CORIN: variants seen among roughly 807,000 people sequenced by gnomAD.
The protein encoded by CORIN is corin, serine peptidase, also known as atrial natriuretic peptide-converting enzyme.
Under a neutral mutation model 125.3 loss-of-function variants are expected in CORIN, and 117 were observed. That is an observed-to-expected ratio of 0.93 (90% confidence interval 0.80 to 1.09). The LOEUF (loss-of-function observed/expected upper bound fraction) is 1.09. CORIN is among the 50% of genes least tolerant of loss of function. CORIN has a pLI of 0.00. For missense variants in CORIN, 1,253 were observed against 1,306.7 expected (o/e 0.96, Z 0.63); for synonymous variants, 450 against 466.4 (o/e 0.96, Z 0.45).
At chr4:47,598,762 A>G (rs1254563157) in intron 21 of CORIN, among the ~76,000 whole-genome samples, 2 of 152,182 alleles carry the variant, frequency 1.3e-5, no homozygotes, top group Non-Finnish European at 2.9e-5. Flanking sequence ...AAATAAAGAC[A>G]CTGCCATATG....
At chr4:47,835,366 C>T (rs1733338834) in intron 1 of CORIN, among the ~76,000 whole-genome samples, 1 of 152,178 alleles carries the variant, frequency 6.6e-6, no homozygotes, top group South Asian at 2.1e-4. Context: ...ACCTTTCCCC[C>T]TCAGATACGC....
intron 2 of CORIN, 132 bp downstream of exon 2, chr4:47,806,771 T>A (rs1731813151): frequency 1.1e-6 from 1 of 891,812 alleles, no homozygotes; most frequent in East Asian, 2.7e-5. Flanking sequence ...CAGATTTGCA[T>A]AACGTCATCA....
chr4:47,748,872 T>C (rs973913025), intron 4 of CORIN, among the ~76,000 whole-genome samples: 3 of 152,192 alleles, frequency 2.0e-5, no homozygotes, highest in Non-Finnish European at 4.4e-5. Flanking sequence ...GTACAGAAAA[T>C]TTCCATATAT....
intron 13 of CORIN, among the ~76,000 whole-genome samples, chr4:47,646,251 T>A (rs1723479470): frequency 6.6e-6 from 1 of 152,188 alleles, no homozygotes; most frequent in South Asian, 2.1e-4. Flanking sequence ...AAAATGTAAT[T>A]TCATTCTACA....
In CORIN at chr4:47,653,619, C is replaced by T. The variant is rs139281421; in HGVS notation, c.1777G>A (p.Val593Ile). Residue 593 changes from valine to isoleucine, a missense_variant, in exon 13 of 22, where the codon GTT becomes ATT. By Grantham distance (29) the Val-to-Ile change is conservative (BLOSUM62 3). Coordinates refer to ENST00000273857, the MANE Select transcript of CORIN (RefSeq NM_006587.4). ...SHFKCRSGQC[V>I]LASRRCDGQA... ...CCATCACATCTTCTGGAAGCCAGAA[C>T]ACACTGTCCTGAGCGGCACTTGAAA... 85 of 1,614,012 alleles carry T rather than the reference C, an allele frequency of 5.3e-5. 1 individual carries two copies. The African/African-American group carries it at 1.0e-3, about 20-fold the overall frequency.
chr4:47,745,393 G>A lies in CORIN; in HGVS notation c.618-810C>T, dbSNP rs544556941. Among the ~76,000 whole-genome samples the A allele has an allele frequency of 1.6e-4, 24 of 152,298 alleles. 1 individual carries two copies. The highest frequency in any genetic ancestry group is 4.6e-4 in the African/African-American group (19 of 41,572). ...TCAATTGCTAAAAGCATTTCAAATA[G>A]TTTTAAGGAAACTGGGAAAGAAAAT... On this transcript the variant is annotated intron_variant, in intron 4 of 21. Coordinates refer to ENST00000273857, the MANE Select transcript of CORIN (RefSeq NM_006587.4).
At chr4:47,811,936 T>C (rs1233754798) in intron 1 of CORIN, among the ~76,000 whole-genome samples, 3 of 152,174 alleles carry the variant, frequency 2.0e-5, no homozygotes, top group Admixed American at 6.5e-5. Context: ...ATAGAAAAAG[T>C]ATGTGAGCCC....
intron 1 of CORIN, among the ~76,000 whole-genome samples, chr4:47,819,922 T>C (rs1016877348): frequency 1.3e-5 from 2 of 152,150 alleles, no homozygotes; most frequent in Non-Finnish European, 2.9e-5. Flanking sequence ...TGCTACCAAA[T>C]ACAGAATGCT....
At chr4:47,773,651 A>G (rs931983767) in intron 3 of CORIN, among the ~76,000 whole-genome samples, 2 of 152,196 alleles carry the variant, frequency 1.3e-5, no homozygotes, top group Non-Finnish European at 2.9e-5. Context: ...TAAGATCGTA[A>G]GGAAAGGCAT....
At chr4:47,604,692 C>T (rs1485686141) in intron 19 of CORIN, among the ~76,000 whole-genome samples, 3 of 152,132 alleles carry the variant, frequency 2.0e-5, no homozygotes, top group African/African-American at 7.2e-5. Context: ...ACTGTTTCTC[C>T]CTCCTCCATG....
chr4:47,800,966 G>A (rs1051437649), intron 2 of CORIN, among the ~76,000 whole-genome samples: 1 of 151,974 alleles, frequency 6.6e-6, no homozygotes, highest in South Asian at 2.1e-4. Context: ...ATCGACTCCT[G>A]CTGCTTCAAC....
intron 5 of CORIN, among the ~76,000 whole-genome samples, chr4:47,700,793 A>G (rs942138687): frequency 2.6e-5 from 4 of 152,140 alleles, no homozygotes; most frequent in African/African-American, 9.7e-5. Flanking sequence ...TGGGAAGGCC[A>G]TCCTACATCC....
chr4:47,650,565 C>T (rs557507055), intron 13 of CORIN, among the ~76,000 whole-genome samples: 46 of 152,244 alleles, frequency 3.0e-4, no homozygotes, highest in African/African-American at 1.0e-3. Context: ...ACATACAATC[C>T]CTTTGTTGTT....
At chr4:47,755,857 C>T (rs945054754) in intron 4 of CORIN, among the ~76,000 whole-genome samples, 1 of 152,172 alleles carries the variant, frequency 6.6e-6, no homozygotes, top group Middle Eastern at 3.2e-3. Flanking sequence ...AAGTGTAGTA[C>T]AACTATAGTC....
Position 47,763,467 on chromosome 4 carries a change from A to C in CORIN, c.529T>G (p.Tyr177Asp). The C allele has an allele frequency of 6.2e-7, 1 of 1,614,178 alleles. No individual in the cohort carries two copies. Among genetic ancestry groups the C allele is most frequent in the African/African-American group, 1.3e-5 (1 of 75,054 alleles). The stretch of plus-strand genomic sequence containing the variant: ...TGATAGCAACTGAGGCGATGGAGAT[A>C]TGTGAAAAACTTGAGGAACTTTTCC... ...EMEKFLKFFT[Y>D]LHRLSCYQHI... Residue 177 changes from tyrosine (Y) to aspartate (D), a missense_variant, in exon 4 of 22, where the codon TAT (tyrosine) becomes GAT (aspartate). Coordinates refer to ENST00000273857, the MANE Select transcript of CORIN (RefSeq NM_006587.4).
chr4:47,753,684 G>A (rs941248173), intron 4 of CORIN, among the ~76,000 whole-genome samples: 2 of 152,004 alleles, frequency 1.3e-5, no homozygotes, highest in Non-Finnish European at 2.9e-5. Context: ...TATTCTGCCC[G>A]ACCCCGCAGG....
chr4:47,763,416 G>C lies in CORIN; in HGVS notation c.580C>G (p.Leu194Val). Residue 194 changes from leucine (L) to valine (V), a missense_variant, in exon 4 of 22, where the codon CTC becomes GTC. By Grantham distance (32) the Leu-to-Val change is conservative. Transcript: ENST00000273857. ...TCAATGATGCACTCAGGGAAGGCGA[G>C]GGTACAGCCAAACAGCATGATATGT... Reference protein sequence around the residue: ...YQHIMLFGCTLAFPECIIDGD... With the variant: ...YQHIMLFGCTVAFPECIIDGD... 6.2e-7 allele frequency: 1 copy of C among 1,614,056 alleles called. No individual in the cohort carries two copies. The highest frequency in any genetic ancestry group is 8.5e-7 in the Non-Finnish European group (1 of 1,179,962).
At position 47,786,845 on chromosome 4, in the gene CORIN, T is replaced by C; in HGVS notation, c.289A>G (p.Ile97Val). ...TGGTTATAAATTGTATTTGTAAGAA[T>C]AACATCGGACCCTTGGATTTCACCA... is the stretch of plus-strand genomic sequence containing the variant. ...TDGEIQGSDV[I>V]LTNTIYNQST... Residue 97 changes from isoleucine (I) to valine (V), a missense_variant, in exon 3 of 22, where the codon ATT becomes GTT. By Grantham distance (29) the Ile-to-Val change is conservative (BLOSUM62 3). Transcript: ENST00000273857. 1 of 1,613,856 alleles carries C rather than the reference T, an allele frequency of 6.2e-7. No homozygotes were observed. The highest frequency in any genetic ancestry group is 8.5e-7 in the Non-Finnish European group (1 of 1,179,738).
At chr4:47,645,274 C>T (rs1444061046) in intron 13 of CORIN, 80 bp from the exon 14 acceptor site, 14 of 904,398 alleles carry the variant, frequency 1.5e-5, no homozygotes, top group South Asian at 4.4e-5. Context: ...AGAAAAATTA[C>T]GCTATAAAGG....
Sources: gnomAD v4.1 joint callset for allele counts (sites outside exome capture counted in the v4.1 genomes callset) on GRCh38, gnomAD v4.1.1 for gene constraint, MANE v1.5 for transcripts, NCBI Gene and HGNC (gene_info 2026-07-23, HGNC 2026-07-21) for gene names.